MARCHF1: variants seen among roughly 807,000 people sequenced by gnomAD.
MARCHF1 encodes the protein E3 ubiquitin-protein ligase MARCHF1.
A neutral mutation model predicts 54.2 loss-of-function variants in MARCHF1; 40 were observed. The observed-to-expected ratio is 0.74, with a 90% CI of 0.57 to 0.96. The LOEUF (loss-of-function observed/expected upper bound fraction) is 0.96, where lower values mean the gene tolerates loss of function less well. Among genes scored for constraint, MARCHF1 ranks in the 40% least tolerant of loss-of-function variants. MARCHF1 has a pLI of 0.00. For synonymous variants in MARCHF1, 236 were observed against 236.3 expected (o/e 1.00, Z 0.01); for missense variants, 586 against 656.5 (o/e 0.89, Z 1.17).
intron 1 of MARCHF1, among the ~76,000 whole-genome samples, chr4:164,231,636 A>G (rs1283701262): frequency 6.6e-6 from 1 of 152,138 alleles, no homozygotes; most frequent in Admixed American, 6.6e-5. Flanking sequence ...TACGCCATGG[A>G]GAACTAAGAG....
chr4:164,097,648 T>A (rs1755444856), intron 2 of MARCHF1, among the ~76,000 whole-genome samples: 1 of 152,114 alleles, frequency 6.6e-6, no homozygotes, highest in South Asian at 2.1e-4. Context: ...TAACAAACAT[T>A]CTGAGAGGGA....
intron 4 of MARCHF1, among the ~76,000 whole-genome samples, chr4:163,758,798 A>T (rs964958316): frequency 1.3e-5 from 2 of 152,192 alleles, no homozygotes; most frequent in South Asian, 4.1e-4. Flanking sequence ...TCACAGCCTA[A>T]AACTTTTCAG....
chr4:163,723,822 C>T (rs943194170), intron 4 of MARCHF1, among the ~76,000 whole-genome samples: 7 of 152,230 alleles, frequency 4.6e-5, no homozygotes, highest in African/African-American at 1.7e-4. Context: ...GAATCGGCTA[C>T]TGAAGCTTGT....
chr4:163,764,969 T>G lies in MARCHF1; in HGVS notation c.112-64106A>C, dbSNP rs1241648572. On this transcript the variant is annotated intron_variant, in intron 4 of 9. Coordinates refer to ENST00000514618, the MANE Select transcript of MARCHF1 (RefSeq NM_001394959.1). Reference sequence around the variant, plus strand: ...CAAAATAAATATTCAGGCTCATTACTTAATTATTTAGTACATTTTAATGTT... The same window carrying G: ...CAAAATAAATATTCAGGCTCATTACGTAATTATTTAGTACATTTTAATGTT... Among the ~76,000 whole-genome samples the G allele has an allele frequency of 2.0e-5, 3 of 152,144 alleles. No individual in the cohort carries two copies. The East Asian group carries it at 5.8e-4, about 29-fold the overall frequency.
intron 8 of MARCHF1, chr4:163,584,214 T>C (rs1411261720): frequency 6.6e-6 from 1 of 151,662 alleles, no homozygotes; most frequent in Admixed American, 6.6e-5. Flanking sequence ...GTGATAGATA[T>C]GGTAAAGAAG....
chr4:163,991,351 T>C (rs1434632694), intron 2 of MARCHF1, among the ~76,000 whole-genome samples: 5 of 152,208 alleles, frequency 3.3e-5, no homozygotes, highest in African/African-American at 1.2e-4. Flanking sequence ...TTGTACATTC[T>C]AATACTTCGC....
chr4:164,161,862 A>T (rs532252825), intron 1 of MARCHF1, among the ~76,000 whole-genome samples: 1 of 152,206 alleles, frequency 6.6e-6, no homozygotes, highest in African/African-American at 2.4e-5. Context: ...AATTCCAATG[A>T]TATGTTGTTA....
chr4:164,081,093 A>G (rs1354251516), intron 2 of MARCHF1, among the ~76,000 whole-genome samples: 3 of 146,712 alleles, frequency 2.0e-5, no homozygotes, highest in African/African-American at 5.0e-5. Context: ...CTGTAGTCCC[A>G]GCTACTTGAG....
chr4:164,001,028 G>A (rs1196997784), intron 2 of MARCHF1, among the ~76,000 whole-genome samples: 1 of 151,704 alleles, frequency 6.6e-6, no homozygotes, highest in African/African-American at 2.4e-5. Context: ...TTAAAAAAGT[G>A]ATGGACATTT....
At chr4:163,684,021 A>T (rs904606365) in intron 5 of MARCHF1, among the ~76,000 whole-genome samples, 12 of 152,218 alleles carry the variant, frequency 7.9e-5, no homozygotes, top group Admixed American at 6.5e-4. Flanking sequence ...TTTCTCCAGC[A>T]TGGGGGCTTC....
At chr4:163,950,482 C>T (rs928820956) in intron 3 of MARCHF1, among the ~76,000 whole-genome samples, 5 of 152,322 alleles carry the variant, frequency 3.3e-5, no homozygotes, top group Middle Eastern at 3.4e-3. Context: ...CAGGGGGCGG[C>T]GGTTGCTTCC....
intron 3 of MARCHF1, among the ~76,000 whole-genome samples, chr4:163,920,956 G>T (rs1273918749): frequency 6.6e-5 from 10 of 152,058 alleles, no homozygotes; most frequent in Non-Finnish European, 1.5e-4. Flanking sequence ...AGCCAAACTG[G>T]CTACAATTCA....
At chr4:164,356,533 G>T (rs1249397246) in intron 1 of MARCHF1, among the ~76,000 whole-genome samples, 1 of 126,354 alleles carries the variant, frequency 7.9e-6, no homozygotes, top group South Asian at 2.5e-4. Flanking sequence ...ACCAAACACC[G>T]CATATTCTCA....
In MARCHF1 at chr4:163,935,761, T is replaced by C. The variant is rs551730328; in HGVS notation, c.-39+52740A>G. Among the ~76,000 whole-genome samples, 18 of 150,422 alleles carry C rather than the reference T, an allele frequency of 1.2e-4. No individual in the cohort carries two copies. The East Asian group carries it at 3.5e-3, about 29-fold the overall frequency. The stretch of plus-strand genomic sequence containing the variant: ...AGTTTTAGGGTACATGTGCACATTG[T>C]GCAGGTTAGTTACATATGTATACAT... On this transcript the variant is annotated intron_variant, in intron 3 of 9. Transcript: ENST00000514618.
At chr4:163,607,891 C>A (rs766620452) in intron 7 of MARCHF1, among the ~76,000 whole-genome samples, 5 of 152,096 alleles carry the variant, frequency 3.3e-5, no homozygotes, top group Admixed American at 6.6e-5. Flanking sequence ...TGCATTTTAA[C>A]AAGCCCTCCA....
intron 3 of MARCHF1, among the ~76,000 whole-genome samples, chr4:163,952,040 T>C (rs1174598375): frequency 1.3e-5 from 2 of 152,186 alleles, no homozygotes; most frequent in Non-Finnish European, 2.9e-5. Flanking sequence ...TAGTTATTAG[T>C]AGCAACAAAG....
At chr4:163,650,121 T>A (rs1339329486) in intron 5 of MARCHF1, among the ~76,000 whole-genome samples, 1 of 151,886 alleles carries the variant, frequency 6.6e-6, no homozygotes, top group Non-Finnish European at 1.5e-5. Flanking sequence ...CACACGGTGT[T>A]TATAAACACA....
intron 1 of MARCHF1, among the ~76,000 whole-genome samples, chr4:164,184,654 T>A (rs776355459): frequency 1.1e-4 from 16 of 152,188 alleles, no homozygotes; most frequent in Admixed American, 2.6e-4. Context: ...AATAACATAA[T>A]CAAACATGAA....
At chr4:164,032,421 A>ATGT (rs1753897523) in intron 2 of MARCHF1, among the ~76,000 whole-genome samples, 1 of 151,906 alleles carries the variant, frequency 6.6e-6, no homozygotes, top group Non-Finnish European at 1.5e-5. Context: ...TTTAATTGGG[A>ATGT]TGTTAGGGTG....
Sources: gnomAD v4.1 joint callset for allele counts (sites outside exome capture counted in the v4.1 genomes callset) on GRCh38, gnomAD v4.1.1 for gene constraint, MANE v1.5 for transcripts, NCBI Gene and HGNC (gene_info 2026-07-23, HGNC 2026-07-21) for gene names.